Variants in ARHGAP10 observed in about 807,000 individuals in gnomAD.
ARHGAP10 encodes the protein Rho GTPase activating protein 10, also known as rho GTPase-activating protein 10.
ARHGAP10 carries 87 observed loss-of-function variants against 108.6 expected under a neutral mutation model. The ratio of observed to expected loss-of-function variants is 0.80; its 90% CI spans 0.67 to 0.96. ARHGAP10 has a LOEUF of 0.96. Ranked by LOEUF, ARHGAP10 falls within the 40% of genes least tolerant of loss-of-function variation. The pLI, the probability that ARHGAP10 is intolerant of heterozygous loss-of-function variation, is 0.00. For synonymous variants in ARHGAP10, 347 were observed against 341.1 expected, an observed-to-expected ratio of 1.02 and a Z score of -0.19; for missense variants, 939 against 954.5, an observed-to-expected ratio of 0.98 and a Z score of 0.21.
At chr4:147,988,987 TTATCGGGGACCTGCCCCGATAATC>T (rs997973888) in intron 18 of ARHGAP10, among the ~76,000 whole-genome samples, 2 of 152,246 alleles carry the variant, frequency 1.3e-5, no homozygotes, top group African/African-American at 4.8e-5. Context: ...TGGATGCTCC[TTATCGGGGACCTGCCCCGATAATC>T]ACGTAGGTTC....
intron 4 of ARHGAP10, chr4:147,854,711 A>T: frequency 1.0e-6 from 1 of 984,286 alleles, no homozygotes; most frequent in Non-Finnish European, 1.2e-6. Flanking sequence ...AAACAATAAT[A>T]CTCTATAATG....
At chr4:147,738,551 TCC>T (rs796146546) in intron 1 of ARHGAP10, among the ~76,000 whole-genome samples, 2 of 151,068 alleles carry the variant, frequency 1.3e-5, no homozygotes, top group African/African-American at 4.9e-5. Flanking sequence ...AGACTCTGTC[TCC>T]CCCCCCCAAA....
At chr4:148,040,991 G>A (rs1265886611) in intron 19 of ARHGAP10, among the ~76,000 whole-genome samples, 1 of 152,088 alleles carries the variant, frequency 6.6e-6, no homozygotes, top group Non-Finnish European at 1.5e-5. Flanking sequence ...TTAATTAGAA[G>A]TAACTAAGTT....
intron 1 of ARHGAP10, among the ~76,000 whole-genome samples, chr4:147,812,029 A>AG (rs756819618): frequency 1.2e-4 from 18 of 152,172 alleles, no homozygotes; most frequent in Admixed American, 1.0e-3. Flanking sequence ...TAAACCCCTC[A>AG]GGTGGGAGAG....
chr4:148,026,858 A>G (rs552482563), intron 19 of ARHGAP10, among the ~76,000 whole-genome samples: 8 of 152,342 alleles, frequency 5.3e-5, no homozygotes, highest in African/African-American at 1.9e-4. Flanking sequence ...CTTTCATTTC[A>G]TTTTCAAGTT....
intron 19 of ARHGAP10, among the ~76,000 whole-genome samples, chr4:148,030,003 C>A (rs937634263): frequency 4.6e-5 from 7 of 151,566 alleles, no homozygotes; most frequent in Admixed American, 6.6e-5. Context: ...ATCCCCCCCC[C>A]CACCAACCCC....
intron 1 of ARHGAP10, among the ~76,000 whole-genome samples, chr4:147,816,403 G>A (rs1732247273): frequency 6.6e-6 from 1 of 152,130 alleles, no homozygotes; most frequent in South Asian, 2.1e-4. Flanking sequence ...GCACCTTTGT[G>A]GGCTCTCCTT....
intron 1 of ARHGAP10, among the ~76,000 whole-genome samples, chr4:147,812,768 C>T (rs1164460057): frequency 6.6e-6 from 1 of 152,142 alleles, no homozygotes; most frequent in African/African-American, 2.4e-5. Flanking sequence ...GAGAACTGAA[C>T]CCAGGACCCA....
chr4:148,028,789 C>T lies in ARHGAP10; in HGVS notation c.1867+5376C>T, dbSNP rs577874171. ...GTGGGCTTGAATTAGCACTAGAAAGCAAAAATAAAATGGATATCTGGGAGA... is the reference window on the plus strand; with the variant it reads ...GTGGGCTTGAATTAGCACTAGAAAGTAAAAATAAAATGGATATCTGGGAGA... On this transcript the variant is annotated intron_variant, in intron 19 of 22. Transcript: ENST00000336498. 8.5e-5 allele frequency among the ~76,000 whole-genome samples: 13 copies of T among 152,162 alleles called. No individual in the cohort carries two copies. The South Asian group carries it at 2.7e-3, about 32-fold the overall frequency.
At chr4:147,750,160 G>A (rs1729083436) in intron 1 of ARHGAP10, among the ~76,000 whole-genome samples, 1 of 152,176 alleles carries the variant, frequency 6.6e-6, no homozygotes, top group South Asian at 2.1e-4. Context: ...TGAAAGTGTA[G>A]TTTTGAGTCA....
chr4:147,877,819 C>CTTTTTTTTTTTT (rs549355620), intron 8 of ARHGAP10, among the ~76,000 whole-genome samples: 43 of 131,434 alleles, frequency 3.3e-4, no homozygotes, highest in African/African-American at 9.4e-4. Flanking sequence ...ATTCTTCATA[C>CTTTTTTTTTTTT]TTTTTTTTTT....
intron 1 of ARHGAP10, among the ~76,000 whole-genome samples, chr4:147,785,805 AATAG>A (rs1490623976): frequency 6.6e-6 from 1 of 152,176 alleles, no homozygotes; most frequent in Non-Finnish European, 1.5e-5. Context: ...ATTTTAATAT[AATAG>A]ATTTCTAAAT....
chr4:147,780,489 A>G (rs1231670005), intron 1 of ARHGAP10, among the ~76,000 whole-genome samples: 2 of 152,086 alleles, frequency 1.3e-5, no homozygotes, highest in Non-Finnish European at 2.9e-5. Flanking sequence ...AGGTGATGAA[A>G]TGCTGTGCTC....
chr4:148,053,558 C>CT (rs1194065848), intron 20 of ARHGAP10, among the ~76,000 whole-genome samples: 1 of 152,178 alleles, frequency 6.6e-6, no homozygotes, highest in Non-Finnish European at 1.5e-5. Flanking sequence ...CATCCATAAT[C>CT]TTTTTATGAG....
chr4:147,959,676 G>A (rs1163987911), intron 16 of ARHGAP10, among the ~76,000 whole-genome samples: 1 of 152,108 alleles, frequency 6.6e-6, no homozygotes, highest in Non-Finnish European at 1.5e-5. Flanking sequence ...CTTCATCCAT[G>A]TCCCTACAAA....
rs530146302 is a variant in ARHGAP10, at chr4:147,769,990, T to C, written c.154+37535T>C. 2.7e-4 allele frequency among the ~76,000 whole-genome samples: 41 copies of C among 152,338 alleles called. No homozygotes were observed. In the East Asian group the frequency reaches 7.7e-3, roughly 29 times the overall value. The stretch of plus-strand genomic sequence containing the variant: ...CTGTATTTTATGCACATGTTCCAGA[T>C]AACAGCATAAGGACCTATGAAAAGC... On this transcript the variant is annotated intron_variant, in intron 1 of 22. Transcript: ENST00000336498.
intron 8 of ARHGAP10, among the ~76,000 whole-genome samples, chr4:147,876,005 T>G (rs1439964811): frequency 1.3e-5 from 2 of 152,196 alleles, no homozygotes; most frequent in African/African-American, 4.8e-5. Context: ...TGTTTTACAG[T>G]TTTCACTTCA....
rs563623589 is a variant in ARHGAP10, at chr4:148,029,826, A to G, written c.1867+6413A>G. Among the ~76,000 whole-genome samples, 9 of 152,314 alleles carry G rather than the reference A, an allele frequency of 5.9e-5. 1 individual carries two copies. The South Asian group carries it at 1.5e-3, about 25-fold the overall frequency. ...ACCAGGCTTGAATGTGTGACAGTATATGTAGACAGATTATTTCTTAACTCA... is the reference window on the plus strand; with the variant it reads ...ACCAGGCTTGAATGTGTGACAGTATGTGTAGACAGATTATTTCTTAACTCA... On this transcript the variant is annotated intron_variant, in intron 19 of 22. Transcript: ENST00000336498.
At chr4:147,989,889 G>A (rs547924020) in intron 18 of ARHGAP10, among the ~76,000 whole-genome samples, 1 of 152,302 alleles carries the variant, frequency 6.6e-6, no homozygotes, top group African/African-American at 2.4e-5. Context: ...AAGTGTCCAT[G>A]AAATCTTTAC....
Sources: allele counts gnomAD v4.1 joint callset (sites outside exome capture counted in the v4.1 genomes callset), GRCh38; gene constraint gnomAD v4.1.1; transcripts MANE v1.5; gene names NCBI Gene and HGNC (gene_info 2026-07-23, HGNC 2026-07-21).